NCKAP5: variants seen among roughly 807,000 people sequenced by gnomAD.
The protein encoded by NCKAP5 is NCK associated protein 5, also known as nck-associated protein 5.
A neutral mutation model predicts 167.0 loss-of-function variants in NCKAP5; 92 were observed. The ratio of observed to expected loss-of-function variants is 0.55; its 90% confidence interval spans 0.47 to 0.66. The LOEUF (loss-of-function observed/expected upper bound fraction) is 0.66, where lower values mean the gene tolerates loss of function less well. Among genes scored for constraint, NCKAP5 ranks in the 30% least tolerant of loss-of-function variants. NCKAP5 has a pLI of 0.00. For synonymous variants in NCKAP5, 891 were observed against 877.4 expected (o/e 1.02, Z -0.27); for missense variants, 2,378 against 2,315.0 (o/e 1.03, Z -0.56).
the NCKAP5 span, among the ~76,000 whole-genome samples, chr2:133,596,865 T>A: frequency 6.6e-6 from 1 of 152,182 alleles, no homozygotes; most frequent in Non-Finnish European, 1.5e-5. Flanking sequence ...CAAGAGAGAA[T>A]TAGACCTGAA....
intron 3 of NCKAP5, among the ~76,000 whole-genome samples, chr2:133,371,512 T>C (rs1685803191): frequency 6.6e-6 from 1 of 152,186 alleles, no homozygotes; most frequent in African/African-American, 2.4e-5. Flanking sequence ...TGATGTCCGC[T>C]TCAGAAGTTA....
chr2:132,721,388 A>T (rs1689912866), intron 19 of NCKAP5, among the ~76,000 whole-genome samples: 1 of 152,184 alleles, frequency 6.6e-6, no homozygotes. Context: ...CTATCTTGGC[A>T]AACATCCAAT....
chr2:133,359,587 T>C (rs1684963016), intron 3 of NCKAP5, among the ~76,000 whole-genome samples: 1 of 152,178 alleles, frequency 6.6e-6, no homozygotes, highest in Non-Finnish European at 1.5e-5. Flanking sequence ...ATAAATAACA[T>C]AAGCAGAAAA....
intron 3 of NCKAP5, among the ~76,000 whole-genome samples, chr2:133,484,990 G>T (rs1022706372): frequency 1.3e-5 from 2 of 152,140 alleles, no homozygotes; most frequent in African/African-American, 2.4e-5. Context: ...TTGTGGCTTA[G>T]TTTCCTCATC....
chr2:133,241,706 C>T (rs960832189), intron 4 of NCKAP5, among the ~76,000 whole-genome samples: 2 of 152,164 alleles, frequency 1.3e-5, no homozygotes, highest in Non-Finnish European at 2.9e-5. Context: ...GACAAGCCCT[C>T]CTTCTTTCAC....
chr2:133,563,566 A>T (rs1420952132), intron 1 of NCKAP5, among the ~76,000 whole-genome samples: 24 of 47,764 alleles, frequency 5.0e-4, no homozygotes, highest in African/African-American at 2.5e-3. Context: ...AGACTCCATA[A>T]AAAAAAAAAA....
chr2:132,807,768 G>T, intron 11 of NCKAP5, among the ~76,000 whole-genome samples: 1 of 152,054 alleles, frequency 6.6e-6, no homozygotes, highest in Non-Finnish European at 1.5e-5. Context: ...TTGTCTGATT[G>T]CTCTGGCTAG....
chr2:133,513,435 G>C (rs546410777), intron 3 of NCKAP5, among the ~76,000 whole-genome samples: 19 of 152,320 alleles, frequency 1.2e-4, no homozygotes, highest in South Asian at 1.0e-3. Flanking sequence ...AACCCAACCA[G>C]ATGCCAAAAG....
At chr2:133,285,876 A>G (rs1396812865) in intron 4 of NCKAP5, among the ~76,000 whole-genome samples, 4 of 152,174 alleles carry the variant, frequency 2.6e-5, no homozygotes, top group African/African-American at 9.7e-5. Context: ...TAAATTAATT[A>G]TTGTTCATTT....
At chr2:133,027,410 T>A (rs1309070235) in intron 6 of NCKAP5, among the ~76,000 whole-genome samples, 1 of 152,200 alleles carries the variant, frequency 6.6e-6, no homozygotes, top group Non-Finnish European at 1.5e-5. Flanking sequence ...CTCATATAAT[T>A]TTCAAGATAA....
At chr2:132,770,864 G>A (rs913107395) in intron 16 of NCKAP5, among the ~76,000 whole-genome samples, 5 of 152,106 alleles carry the variant, frequency 3.3e-5, no homozygotes, top group Admixed American at 6.5e-5. Context: ...GCCTAGTGAC[G>A]TCGTAGTTAA....
chr2:133,298,661 C>G (rs1024935269), intron 4 of NCKAP5, among the ~76,000 whole-genome samples: 1 of 152,116 alleles, frequency 6.6e-6, no homozygotes. Flanking sequence ...CTCTAAATTT[C>G]TTTCATCAGA....
At chr2:133,238,482 GA>G (rs1245193700) in intron 4 of NCKAP5, among the ~76,000 whole-genome samples, 1 of 152,164 alleles carries the variant, frequency 6.6e-6, no homozygotes, top group Non-Finnish European at 1.5e-5. Flanking sequence ...GCTCCTTCAT[GA>G]AATGGCTTGT....
At chr2:132,732,127 G>T in intron 16 of NCKAP5, 76 bp from the exon 17 acceptor site, 1 of 1,377,382 alleles carries the variant, frequency 7.3e-7, no homozygotes, top group Non-Finnish European at 9.8e-7. Flanking sequence ...GGAAATTGGG[G>T]TATGATCTGG....
rs1574688021 is a variant in NCKAP5, at chr2:133,318,986, C to A, written c.70-15876G>T. 2.0e-5 allele frequency among the ~76,000 whole-genome samples: 3 copies of A among 152,258 alleles called. 1 individual carries two copies. Among genetic ancestry groups the A allele is most frequent in the Admixed American group, 6.5e-5 (1 of 15,296 alleles). On this transcript the variant is annotated intron_variant, in intron 3 of 19. Coordinates refer to ENST00000409261, the MANE Select transcript of NCKAP5 (RefSeq NM_207363.3). ...TCATTAGAAATGCAACTTCTCTGGC[C>A]TTTCCCCAGGCCCACTGAACTCTGG...
chr2:132,821,685 T>A (rs1402751262), intron 11 of NCKAP5, among the ~76,000 whole-genome samples: 2 of 152,092 alleles, frequency 1.3e-5, no homozygotes, highest in Non-Finnish European at 2.9e-5. Flanking sequence ...TGGGGCAAAG[T>A]GTGAGTGGGG....
chr2:132,891,143 C>T (rs1426547230), intron 8 of NCKAP5, among the ~76,000 whole-genome samples: 1 of 152,166 alleles, frequency 6.6e-6, no homozygotes, highest in Non-Finnish European at 1.5e-5. Flanking sequence ...ATAATGAAAC[C>T]TCTGTGTACT....
the NCKAP5 span, among the ~76,000 whole-genome samples, chr2:133,639,350 A>G: frequency 1.3e-5 from 2 of 152,220 alleles, no homozygotes; most frequent in Admixed American, 1.3e-4. Context: ...CACGTAGACA[A>G]GAAGACATGA....
intron 5 of NCKAP5, among the ~76,000 whole-genome samples, chr2:133,143,513 G>T (rs2083076643): frequency 6.6e-6 from 1 of 152,088 alleles, no homozygotes; most frequent in South Asian, 2.1e-4. Context: ...TAAGATTGTG[G>T]CCACTGGCAT....
Sources: gnomAD v4.1 joint callset for allele counts (sites outside exome capture counted in the v4.1 genomes callset) on GRCh38, gnomAD v4.1.1 for gene constraint, MANE v1.5 for transcripts, NCBI Gene and HGNC (gene_info 2026-07-23, HGNC 2026-07-21) for gene names.